Variants in PRKCH observed in about 807,000 individuals in gnomAD.
PRKCH encodes protein kinase C eta, also known as protein kinase C eta type.
In PRKCH, 28 loss-of-function variants were observed where a neutral mutation model predicts 82.5. That is an observed-to-expected ratio of 0.34 (90% CI 0.25 to 0.47). The LOEUF is 0.47. Among genes scored for constraint, PRKCH ranks in the 20% least tolerant of loss-of-function variants. The pLI is 1.00. For synonymous variants in PRKCH, 322 were observed against 327.4 expected (o/e 0.98, Z 0.18); for missense variants, 705 against 881.8 (o/e 0.80, Z 2.54).
At chr14:61,449,982 A>G (rs1884424541) in intron 5 of PRKCH, among the ~76,000 whole-genome samples, 1 of 152,110 alleles carries the variant, frequency 6.6e-6, no homozygotes, top group African/African-American at 2.4e-5. Context: ...TGCAATAGGC[A>G]TACATTTTAA....
intron 9 of PRKCH, chr14:61,477,134 A>T (rs1885763265): frequency 6.6e-6 from 1 of 152,218 alleles, no homozygotes; most frequent in African/African-American, 2.4e-5. Flanking sequence ...GCTATCTGTT[A>T]CGGAGATTTC....
intron 1 of PRKCH, among the ~76,000 whole-genome samples, chr14:61,310,231 T>A (rs188000955): frequency 6.2e-4 from 95 of 152,292 alleles, no homozygotes; most frequent in Middle Eastern, 3.4e-3. Flanking sequence ...ATTTCAGCAT[T>A]AACTCAAAAG....
intron 10 of PRKCH, among the ~76,000 whole-genome samples, chr14:61,508,727 A>G (rs540522122): frequency 3.3e-5 from 5 of 152,234 alleles, no homozygotes; most frequent in African/African-American, 1.2e-4. Context: ...GGATGTCCCA[A>G]TATCACATAT....
chr14:61,244,248 G>A (rs1201657062), intron 1 of PRKCH, among the ~76,000 whole-genome samples: 1 of 152,094 alleles, frequency 6.6e-6, no homozygotes, highest in Admixed American at 6.6e-5. Context: ...CTGAACAAAC[G>A]ACAAGAGCTA....
At chr14:61,330,627 G>GGTCT in intron 1 of PRKCH, among the ~76,000 whole-genome samples, 1 of 152,202 alleles carries the variant, frequency 6.6e-6, no homozygotes, top group Middle Eastern at 3.2e-3. Flanking sequence ...ACAGCCTGTA[G>GGTCT]GTCTATTCAT....
chr14:61,249,628 T>A (rs1443188141), intron 1 of PRKCH, among the ~76,000 whole-genome samples: 1 of 151,878 alleles, frequency 6.6e-6, no homozygotes, highest in South Asian at 2.1e-4. Context: ...TTTTATTATT[T>A]TTTATTGTTT....
chr14:61,209,462 A>AT (rs1316034073), intron 1 of PRKCH, among the ~76,000 whole-genome samples: 1 of 151,990 alleles, frequency 6.6e-6, no homozygotes, highest in East Asian at 1.9e-4. Flanking sequence ...AGTCTATCGT[A>AT]TTTTATCATA....
chr14:61,488,165 A>G lies in PRKCH; in HGVS notation c.1433+2509A>G, dbSNP rs11309901. ...AGACTCCGTCTCAAAAAAAAAAAAAAGAAAAAAATTCGGCAGGCATGGTGG... is the reference window on the plus strand; with the variant it reads ...AGACTCCGTCTCAAAAAAAAAAAAAGGAAAAAAATTCGGCAGGCATGGTGG... On this transcript the variant is annotated intron_variant, in intron 10 of 13. Transcript: ENST00000332981. Among the ~76,000 whole-genome samples the G allele has an allele frequency of 5.7e-5, 8 of 140,908 alleles. 1 individual carries two copies. Among genetic ancestry groups the G allele is most frequent in the Middle Eastern group, 7.1e-3 (2 of 280 alleles). 92.4% of individuals were successfully genotyped at this position (140,908 alleles called of 152,430 possible).
At chr14:61,526,840 C>A (rs182890415) in intron 10 of PRKCH, among the ~76,000 whole-genome samples, 77 of 152,382 alleles carry the variant, frequency 5.1e-4, no homozygotes, top group Non-Finnish European at 7.8e-4. Flanking sequence ...TGGCAGTTAA[C>A]CACAAAGCTC....
At chr14:61,287,204 TAAAA>T (rs35045657) in intron 1 of PRKCH, among the ~76,000 whole-genome samples, 2,808 of 57,848 alleles carry the variant, frequency 0.049, 39 homozygotes, top group South Asian at 0.074. Context: ...GACTCCGTCT[TAAAA>T]AAAAAAAAAA....
intron 9 of PRKCH, among the ~76,000 whole-genome samples, chr14:61,483,897 C>T (rs1394539412): frequency 1.3e-5 from 2 of 152,180 alleles, no homozygotes; most frequent in East Asian, 3.9e-4. Flanking sequence ...AAATCAAAGC[C>T]GGGTGTGGTG....
chr14:61,418,049 A>G (rs1882651329), intron 2 of PRKCH, among the ~76,000 whole-genome samples: 1 of 152,240 alleles, frequency 6.6e-6, no homozygotes, highest in Non-Finnish European at 1.5e-5. Flanking sequence ...ATTGTCTTAC[A>G]TACGGAATAG....
chr14:61,501,050 A>G (rs1242704399), intron 10 of PRKCH, among the ~76,000 whole-genome samples: 1 of 152,162 alleles, frequency 6.6e-6, no homozygotes, highest in Non-Finnish European at 1.5e-5. Context: ...AATGTACTGT[A>G]ATTCTGTGAT....
intron 10 of PRKCH, chr14:61,528,802 T>A (rs963930075): frequency 8.1e-6 from 2 of 246,962 alleles, no homozygotes; most frequent in Non-Finnish European, 1.6e-5. Flanking sequence ...CCTCCGTTTT[T>A]ACAGGACAGC....
At chr14:61,360,371 G>C (rs1474277446) in intron 1 of PRKCH, among the ~76,000 whole-genome samples, 1 of 152,098 alleles carries the variant, frequency 6.6e-6, no homozygotes, top group African/African-American at 2.4e-5. Context: ...CGGGCATGGT[G>C]GTGGGCGCCT....
chr14:61,489,953 A>G (rs1393826998), intron 10 of PRKCH, among the ~76,000 whole-genome samples: 1 of 152,238 alleles, frequency 6.6e-6, no homozygotes, highest in East Asian at 1.9e-4. Context: ...AAAGTGTGGA[A>G]TACTGTATCT....
chr14:61,256,491 G>A (rs1409810988), intron 1 of PRKCH, among the ~76,000 whole-genome samples: 5 of 152,136 alleles, frequency 3.3e-5, no homozygotes, highest in African/African-American at 4.8e-5. Context: ...TCGTCTATGC[G>A]AAATTGTACT....
At chr14:61,389,637 G>T (rs936534395) in intron 1 of PRKCH, among the ~76,000 whole-genome samples, 1 of 151,628 alleles carries the variant, frequency 6.6e-6, no homozygotes. Flanking sequence ...GGAGTTCAAG[G>T]CTGCAGTGAG....
rs1409660854 is a variant in PRKCH at position 61,210,141 on chromosome 14, T to C, written c.-19+22473T>C. Among the ~76,000 whole-genome samples, 3 of 46,452 alleles carry C rather than the reference T, an allele frequency of 6.5e-5. No homozygotes were observed. In the South Asian group the frequency reaches 2.3e-3, roughly 35 times the overall value. The allele number at this position is 46,452 out of a possible 152,430, so 30.5% of individuals were successfully genotyped here. A position where few individuals can be genotyped will look rare whatever the true frequency, so the allele number is the denominator to read the frequency against. On this transcript the variant is annotated intron_variant, in intron 1 of 3. Coordinates refer to the PRKCH transcript ENST00000555185. Reference sequence around the variant, plus strand: ...ATATATATATATATATATATATATATATATATATATATATATATATAAATT... The same window carrying C: ...ATATATATATATATATATATATATACATATATATATATATATATATAAATT...
Sources: gnomAD v4.1 joint callset for allele counts (sites outside exome capture counted in the v4.1 genomes callset) on GRCh38, gnomAD v4.1.1 for gene constraint, MANE v1.5 for transcripts, NCBI Gene and HGNC (gene_info 2026-07-23, HGNC 2026-07-21) for gene names.